SYT12: variants seen among roughly 807,000 people sequenced by gnomAD.
The protein encoded by SYT12 is synaptotagmin-12.
In SYT12, 27 loss-of-function variants were observed where a neutral mutation model predicts 39.5. That is an observed-to-expected ratio of 0.68 (90% CI 0.50 to 0.94). SYT12 has a LOEUF of 0.94. Among genes scored for constraint, SYT12 ranks in the 40% least tolerant of loss-of-function variants. The pLI is 0.00. For synonymous variants in SYT12, 233 were observed against 239.7 expected, an observed-to-expected ratio of 0.97 and a Z score of 0.26; for missense variants, 536 against 572.6, an observed-to-expected ratio of 0.94 and a Z score of 0.65.
At chr11:67,041,533 C>T (rs188073737) in intron 4 of SYT12, among the ~76,000 whole-genome samples, 7 of 152,056 alleles carry the variant, frequency 4.6e-5, no homozygotes, top group Admixed American at 6.5e-5. Context: ...TAGAGTGGTG[C>T]GGATGGGGTG....
intron 1 of SYT12, among the ~76,000 whole-genome samples, chr11:67,009,395 A>G (rs1949995714): frequency 6.6e-6 from 1 of 151,846 alleles, no homozygotes; most frequent in Non-Finnish European, 1.5e-5. Context: ...AGGCTCAAGC[A>G]ATTCTCATGC....
chr11:67,030,369 T>G (rs1422408775), intron 2 of SYT12, 191 bp downstream of exon 2: 2 of 563,144 alleles, frequency 3.6e-6, no homozygotes, highest in Non-Finnish European at 6.1e-6. Context: ...CAGTCTGAGG[T>G]CTCCTCATCT....
At chr11:67,034,596 G>T in intron 2 of SYT12, 49 bp from the exon 3 acceptor site, 1 of 1,531,872 alleles carries the variant, frequency 6.5e-7, no homozygotes, top group South Asian at 1.3e-5. Flanking sequence ...CCGGGTGGGG[G>T]TCTGTATCCA....
chr11:67,013,674 CCT>C (rs1411918598), intron 3 of SYT12, among the ~76,000 whole-genome samples: 2 of 152,202 alleles, frequency 1.3e-5, no homozygotes, highest in African/African-American at 4.8e-5. Flanking sequence ...GTTACAGGCC[CCT>C]GTCAAGTGTG....
rs1854684015 is a variant in SYT12, at chr11:67,049,467, T to A, written c.*710T>A. On this transcript the variant is annotated 3_prime_UTR_variant, in exon 8 of 8. Transcript: ENST00000527043. The stretch of plus-strand genomic sequence containing the variant: ...CGTGGAACACTGGCTCCGGAGTTAT[T>A]CTCTGTCAAATCTACTCCCCGGACC... 1 of 152,216 alleles carries A rather than the reference T, an allele frequency of 6.6e-6. No individual in the cohort carries two copies. The highest frequency in any genetic ancestry group is 2.4e-5 in the African/African-American group (1 of 41,440). The allele number at this position is 152,216 out of a possible 1,614,324, so 9.4% of individuals were successfully genotyped here. A position where few individuals can be genotyped will look rare whatever the true frequency, so the allele number is the denominator to read the frequency against.
At chr11:67,007,352 C>G (rs1675284885) in exon 1 of SYT12, 1 of 152,292 alleles carries the variant, frequency 6.6e-6, no homozygotes, top group African/African-American at 2.4e-5. Context: ...GCACCATGGC[C>G]TGTCCCCAGC....
chr11:67,039,711 G>C (rs2136224925), intron 3 of SYT12, 100 bp from the exon 4 acceptor site: 1 of 1,411,394 alleles, frequency 7.1e-7, no homozygotes, highest in South Asian at 1.4e-5. Context: ...GGAACTTGGA[G>C]ATTCGAGAAT....
At chr11:67,022,765 CTGAGATGA>C (rs1950125741), upstream of SYT12, 1 of 152,224 alleles carries the variant, frequency 6.6e-6, no homozygotes, top group Non-Finnish European at 1.5e-5. Flanking sequence ...ACGGTGAGGA[CTGAGATGA>C]TGTTGTAAGG....
intron 1 of SYT12, among the ~76,000 whole-genome samples, chr11:67,008,115 A>G (rs12275124): frequency 0.036 from 5,387 of 151,524 alleles, 315 homozygotes; most frequent in African/African-American, 0.12. Flanking sequence ...CACCACGCCC[A>G]GCTAATTTTT....
chr11:67,042,274 G>T (rs11227666), intron 4 of SYT12, among the ~76,000 whole-genome samples: 4,229 of 152,266 alleles, frequency 0.028, 187 homozygotes, highest in African/African-American at 0.09. Context: ...CTGGGTCAGT[G>T]CCTAGCAGGT....
intron 3 of SYT12, among the ~76,000 whole-genome samples, chr11:67,036,101 A>G (rs1033570460): frequency 6.0e-5 from 9 of 150,918 alleles, no homozygotes; most frequent in Non-Finnish European, 1.2e-4. Context: ...TATTTTTTGT[A>G]GAGACGGGGT....
intron 3 of SYT12, among the ~76,000 whole-genome samples, chr11:67,014,476 G>A (rs760152550): frequency 1.3e-5 from 2 of 152,352 alleles, no homozygotes; most frequent in African/African-American, 4.8e-5. Context: ...CTTCCCTGAC[G>A]CACCCAGCAC....
At chr11:67,019,541 C>G (rs1591353016), upstream of SYT12, among the ~76,000 whole-genome samples, 1 of 152,014 alleles carries the variant, frequency 6.6e-6, no homozygotes, top group South Asian at 2.1e-4. Flanking sequence ...AACCGCCCCC[C>G]ACGATTCAAT....
intron 3 of SYT12, among the ~76,000 whole-genome samples, chr11:67,039,191 TC>T (rs1464291185): frequency 4.0e-5 from 6 of 151,020 alleles, no homozygotes; most frequent in Non-Finnish European, 2.9e-5. Flanking sequence ...TAATCCCGGG[TC>T]CTCAGGAGGC....
chr11:67,018,840 G>GAAAAAT (rs1950081017), upstream of SYT12, among the ~76,000 whole-genome samples: 1 of 151,838 alleles, frequency 6.6e-6, no homozygotes, highest in Non-Finnish European at 1.5e-5. Flanking sequence ...AAAAGAAAAA[G>GAAAAAT]AAAACAAAAG....
At chr11:67,035,198 G>C (rs1293498044) in intron 3 of SYT12, among the ~76,000 whole-genome samples, 1 of 151,392 alleles carries the variant, frequency 6.6e-6, no homozygotes, top group Non-Finnish European at 1.5e-5. Context: ...TAGTAGATAC[G>C]GGGTTTCACC....
chr11:67,010,422 C>T (rs1950005275), intron 2 of SYT12, among the ~76,000 whole-genome samples: 1 of 152,194 alleles, frequency 6.6e-6, no homozygotes, highest in African/African-American at 2.4e-5. Flanking sequence ...AGATTGCAGC[C>T]AAGACAGGGG....
At chr11:67,009,148 G>A (rs1949993294) in intron 1 of SYT12, among the ~76,000 whole-genome samples, 1 of 152,136 alleles carries the variant, frequency 6.6e-6, no homozygotes, top group South Asian at 2.1e-4. Flanking sequence ...TGAGACCGCA[G>A]GCATGTGCTA....
Position 67,049,047 on chromosome 11 carries a change from C to A in SYT12, c.*290C>A. 3.0e-6 allele frequency: 1 copy of A among 329,584 alleles called. No homozygotes were observed. The highest frequency in any genetic ancestry group is 5.7e-6 in the Non-Finnish European group (1 of 175,606). 20.4% of individuals were successfully genotyped at this position (329,584 alleles called of 1,614,324 possible). The stretch of plus-strand genomic sequence containing the variant: ...GCCAGCTGCCGAGCTGGGCTATGTT[C>A]TGGAACCCAGTGAATCTTGGGGGCC... On this transcript the variant is annotated 3_prime_UTR_variant, in exon 8 of 8. Coordinates refer to ENST00000527043, the MANE Select transcript of SYT12 (RefSeq NM_177963.4).
Sources: gnomAD v4.1 joint callset for allele counts (sites outside exome capture counted in the v4.1 genomes callset) on GRCh38, gnomAD v4.1.1 for gene constraint, MANE v1.5 for transcripts, NCBI Gene and HGNC (gene_info 2026-07-23, HGNC 2026-07-21) for gene names.